MYH11: variants seen among roughly 807,000 people sequenced by gnomAD.
The protein encoded by MYH11 is myosin-11.
MYH11 carries 80 observed loss-of-function variants against 246.6 expected under a neutral mutation model. The observed-to-expected ratio is 0.32, with a 90% CI of 0.27 to 0.39. The LOEUF is 0.39. Ranked by LOEUF, MYH11 falls within the 10% of genes least tolerant of loss-of-function variation. The pLI is 1.00. For missense variants in MYH11, 2,158 were observed against 2,546.8 expected, an observed-to-expected ratio of 0.85 and a Z score of 3.29; for synonymous variants, 1,071 against 1,015.5, an observed-to-expected ratio of 1.05 and a Z score of -1.04.
At chr16:15,771,480 A>C (rs2042099616) in intron 9 of MYH11, 89 bp downstream of exon 9, 1 of 1,370,386 alleles carries the variant, frequency 7.3e-7, no homozygotes, top group Admixed American at 2.1e-5. Flanking sequence ...TTCAGAGAGC[A>C]GAAATCTGTC....
chr16:15,761,724 C>T (rs1224938871), intron 10 of MYH11, among the ~76,000 whole-genome samples: 1 of 152,134 alleles, frequency 6.6e-6, no homozygotes, highest in East Asian at 1.9e-4. Context: ...TTCCCCATCT[C>T]TTGGCAAGAG....
intron 38 of MYH11, among the ~76,000 whole-genome samples, chr16:15,715,945 GTGAAACCCCA>G (rs1316630670): frequency 6.6e-6 from 1 of 152,118 alleles, no homozygotes; most frequent in African/African-American, 2.4e-5. Context: ...GGCCAACATG[GTGAAACCCCA>G]TCCCTACTAA....
intron 10 of MYH11, among the ~76,000 whole-genome samples, chr16:15,761,760 G>A (rs2041872388): frequency 6.6e-6 from 1 of 152,012 alleles, no homozygotes; most frequent in African/African-American, 2.4e-5. Context: ...CTTTCCCTGA[G>A]GTCTTTCCTT....
intron 23 of MYH11, 49 bp downstream of exon 23, chr16:15,740,002 A>C: frequency 6.2e-7 from 1 of 1,607,510 alleles, no homozygotes; most frequent in South Asian, 1.1e-5. Context: ...TTGGCCTCCC[A>C]AAGTGCTCGG....
At chr16:15,736,016 C>T (rs983829486) in intron 25 of MYH11, among the ~76,000 whole-genome samples, 4 of 152,168 alleles carry the variant, frequency 2.6e-5, no homozygotes, top group African/African-American at 9.6e-5. Flanking sequence ...CCACTGCTTG[C>T]GGGGGATATT....
At chr16:15,728,361 TAAAAA>T (rs1567706558) in intron 27 of MYH11, among the ~76,000 whole-genome samples, 1 of 151,784 alleles carries the variant, frequency 6.6e-6, no homozygotes, top group East Asian at 1.9e-4. Flanking sequence ...ATCCTAAACT[TAAAAA>T]CAAAAACAAA....
chr16:15,787,349 A>G (rs11645301), intron 4 of MYH11, among the ~76,000 whole-genome samples: 27,742 of 152,026 alleles, frequency 0.18, 2,730 homozygotes, highest in Middle Eastern at 0.28. Context: ...TTGAGGCCAC[A>G]GTGAGCCATG....
At chr16:15,814,250 G>A (rs971248283) in intron 3 of MYH11, among the ~76,000 whole-genome samples, 17 of 150,324 alleles carry the variant, frequency 1.1e-4, no homozygotes, top group Admixed American at 2.0e-4. Flanking sequence ...TGGGATAAGC[G>A]TTGAAAAGTA....
chr16:15,755,063 G>A (rs958138280), intron 14 of MYH11, among the ~76,000 whole-genome samples: 4 of 152,164 alleles, frequency 2.6e-5, no homozygotes, highest in African/African-American at 7.2e-5. Flanking sequence ...ATACAAATGG[G>A]CATGGCTGTG....
intron 2 of MYH11, among the ~76,000 whole-genome samples, chr16:15,837,538 C>CTTTTT (rs11371178): frequency 3.6e-5 from 5 of 137,242 alleles, no homozygotes; most frequent in Non-Finnish European, 6.2e-5. Context: ...CTCCCATTTC[C>CTTTTT]TTTTTTTTTT....
chr16:15,802,160 C>T (rs2042902718), intron 3 of MYH11, among the ~76,000 whole-genome samples: 1 of 152,116 alleles, frequency 6.6e-6, no homozygotes, highest in African/African-American at 2.4e-5. Flanking sequence ...ACCATCATGA[C>T]CACAAAGCTA....
At position 15,705,984 on chromosome 16, in the gene MYH11, C is replaced by CAAAA. The variant is rs57451847; in HGVS notation, c.5787-1865_5787-1862dup. ...TAGGCGACAGGGTGAGACTCCGTCTCAAAAAAAAAAAAAAAAAAAAATCAA... is the reference window on the plus strand; with the variant it reads ...TAGGCGACAGGGTGAGACTCCGTCTCAAAAAAAAAAAAAAAAAAAAAAAAATCAA... On this transcript the variant is annotated intron_variant, in intron 40 of 40. Transcript: ENST00000300036. Among the ~76,000 whole-genome samples, 9 of 56,766 alleles carry CAAAA rather than the reference C, an allele frequency of 1.6e-4. 1 individual carries two copies. The highest frequency in any genetic ancestry group is 5.2e-4 in the East Asian group (1 of 1,922). The allele number at this position is 56,766 out of a possible 152,430, so 37.2% of individuals were successfully genotyped here. A position where few individuals can be genotyped will look rare whatever the true frequency, so the allele number is the denominator to read the frequency against.
At chr16:15,781,461 C>G (rs2042351020) in intron 6 of MYH11, among the ~76,000 whole-genome samples, 1 of 152,144 alleles carries the variant, frequency 6.6e-6, no homozygotes, top group Non-Finnish European at 1.5e-5. Flanking sequence ...TCACAGGGCC[C>G]CATCTCAGCG....
intron 4 of MYH11, among the ~76,000 whole-genome samples, chr16:15,794,234 C>T (rs1011947640): frequency 2.0e-5 from 3 of 152,220 alleles, no homozygotes; most frequent in African/African-American, 4.8e-5. Context: ...GCCTGAGCCA[C>T]AGTGCGCGGC....
At chr16:15,735,031 T>C (rs998706908) in intron 26 of MYH11, among the ~76,000 whole-genome samples, 1 of 151,792 alleles carries the variant, frequency 6.6e-6, no homozygotes, top group Admixed American at 6.6e-5. Context: ...AACAAAAAAT[T>C]AGCCGGGTGT....
Position 15,720,139 on chromosome 16 carries a change from A to G in MYH11, c.4953+12T>C, listed in dbSNP as rs201595239. 2.0e-4 allele frequency: 319 copies of G among 1,613,958 alleles called. 3 individuals carry two copies. In the East Asian group the frequency reaches 7.0e-3, roughly 35 times the overall value. On this transcript the variant is annotated intron_variant, in intron 34 of 40. Coordinates refer to ENST00000300036, the MANE Select transcript of MYH11 (RefSeq NM_002474.3). ...CCCTCCACCCATGCCCCAAGCTCCTAGTGTCACCCACCTGCAGTTTGCGTA... is the reference window on the plus strand; with the variant it reads ...CCCTCCACCCATGCCCCAAGCTCCTGGTGTCACCCACCTGCAGTTTGCGTA...
chr16:15,770,164 C>A (rs2042067397), intron 9 of MYH11, among the ~76,000 whole-genome samples: 1 of 152,176 alleles, frequency 6.6e-6, no homozygotes, highest in South Asian at 2.1e-4. Context: ...GACAAGGAGG[C>A]TATCAGCACT....
chr16:15,723,947 TCA>T (rs2040613115), intron 31 of MYH11, among the ~76,000 whole-genome samples: 1 of 152,002 alleles, frequency 6.6e-6, no homozygotes, highest in South Asian at 2.1e-4. Flanking sequence ...CCCAGAAAAG[TCA>T]CAGTCATCAA....
At chr16:15,718,112 A>G (rs1448464450) in intron 37 of MYH11, 5 of 771,006 alleles carry the variant, frequency 6.5e-6, no homozygotes, top group Non-Finnish European at 1.0e-5. Context: ...GAGACACTGC[A>G]GCGTGGAGAG....
Sources: gnomAD v4.1 joint callset for allele counts (sites outside exome capture counted in the v4.1 genomes callset) on GRCh38, gnomAD v4.1.1 for gene constraint, MANE v1.5 for transcripts, NCBI Gene and HGNC (gene_info 2026-07-23, HGNC 2026-07-21) for gene names.